The following GPNMB variants were observed in gnomAD, a reference collection of about 807,000 sequenced individuals.
GPNMB encodes the protein glycoprotein nmb.
Under a neutral mutation model 57.3 loss-of-function variants are expected in GPNMB, and 71 were observed. That is an observed-to-expected ratio of 1.24 (90% CI 1.02 to 1.51). GPNMB has a LOEUF of 1.51. Ranked by LOEUF, GPNMB falls within the 40% of genes most tolerant of loss-of-function variation. The pLI is 0.00. For synonymous variants in GPNMB, 253 were observed against 263.2 expected (o/e 0.96, Z 0.38); for missense variants, 677 against 691.9 (o/e 0.98, Z 0.24).
intron 6 of GPNMB, among the ~76,000 whole-genome samples, chr7:23,261,190 C>G (rs1209204396): frequency 6.6e-6 from 1 of 152,138 alleles, no homozygotes; most frequent in Non-Finnish European, 1.5e-5. Flanking sequence ...CTTTCCCTAC[C>G]CTGCCCACAC....
Position 23,269,962 on chromosome 7 carries a change from C to G in GPNMB, c.1221-5C>G. On this transcript the variant is annotated splice_region_variant and splice_polypyrimidine_tract_variant and intron_variant, in intron 8 of 10. Coordinates refer to ENST00000258733, the MANE Select transcript of GPNMB (RefSeq NM_002510.3). ...GTGCGCCCTCGCCCACCTCCCCTGT[C>G]GCAGCATTCCCACGGAGGTCTGTAC... 6.2e-7 allele frequency: 1 copy of G among 1,612,130 alleles called. No homozygotes were observed. Among genetic ancestry groups the G allele is most frequent in the Non-Finnish European group, 8.5e-7 (1 of 1,178,344 alleles).
chr7:23,253,539 C>A, intron 2 of GPNMB, 80 bp downstream of exon 2: 3 of 1,176,182 alleles, frequency 2.6e-6, no homozygotes, highest in African/African-American at 1.5e-5. Flanking sequence ...TTTTAGATCA[C>A]ACGGCTCACG....
chr7:23,255,251 TCGTGGTCCGCCC>T (rs2128481657), intron 3 of GPNMB, among the ~76,000 whole-genome samples: 1 of 152,246 alleles, frequency 6.6e-6, no homozygotes, highest in South Asian at 2.1e-4. Context: ...ACATTTGACC[TCGTGGTCCGCCC>T]GCCTCGGTCT....
chr7:23,253,248 T>C, intron 1 of GPNMB, 59 bp from the exon 2 acceptor site: 1 of 1,460,068 alleles, frequency 6.8e-7, no homozygotes, highest in Non-Finnish European at 9.4e-7. Flanking sequence ...AAAGTTTCTT[T>C]AACCACTGTG....
intron 6 of GPNMB, 143 bp downstream of exon 6, chr7:23,260,916 G>T: frequency 1.7e-6 from 1 of 595,852 alleles, no homozygotes; most frequent in Non-Finnish European, 2.7e-6. Context: ...ATTTTTTAAA[G>T]CAAAGTTATC....
intron 9 of GPNMB, 62 bp from the exon 10 acceptor site, chr7:23,273,459 T>G: frequency 9.6e-7 from 1 of 1,038,778 alleles, no homozygotes; most frequent in East Asian, 2.4e-5. Flanking sequence ...TTTAATGGCA[T>G]TATAAGCGGC....
At chr7:23,248,686 G>C (rs1002778120) in intron 1 of GPNMB, among the ~76,000 whole-genome samples, 3 of 152,072 alleles carry the variant, frequency 2.0e-5, no homozygotes, top group Admixed American at 6.5e-5. Context: ...GCAGCACTGG[G>C]TGCGACCTCA....
At chr7:23,262,458 T>C (rs1174927947) in intron 6 of GPNMB, among the ~76,000 whole-genome samples, 3 of 152,130 alleles carry the variant, frequency 2.0e-5, no homozygotes, top group African/African-American at 7.2e-5. Context: ...AAGAGGGCTA[T>C]TCATATTGTT....
intron 9 of GPNMB, chr7:23,273,071 T>C (rs1204128509): frequency 6.5e-6 from 1 of 153,120 alleles, no homozygotes; most frequent in Non-Finnish European, 1.5e-5. Flanking sequence ...AAAGTGCTGG[T>C]ATTACAGGCA....
At chr7:23,263,358 T>A (rs188840083) in intron 6 of GPNMB, among the ~76,000 whole-genome samples, 19 of 152,202 alleles carry the variant, frequency 1.2e-4, no homozygotes, top group African/African-American at 4.3e-4. Context: ...ACATCTGTAA[T>A]CCCAGCACTT....
intron 1 of GPNMB, among the ~76,000 whole-genome samples, chr7:23,252,465 C>A (rs558730035): frequency 9.3e-4 from 141 of 152,240 alleles, no homozygotes; most frequent in African/African-American, 3.3e-3. Context: ...AAACACTAAG[C>A]ATTCATATCA....
At chr7:23,261,869 G>A (rs1782933560) in intron 6 of GPNMB, among the ~76,000 whole-genome samples, 1 of 152,102 alleles carries the variant, frequency 6.6e-6, no homozygotes, top group African/African-American at 2.4e-5. Context: ...AATAGTCTGG[G>A]GACATTCAAG....
chr7:23,248,718 C>G (rs951032016), intron 1 of GPNMB, among the ~76,000 whole-genome samples: 5 of 151,906 alleles, frequency 3.3e-5, no homozygotes, highest in Non-Finnish European at 4.4e-5. Context: ...ACATTGATTG[C>G]CCCCAAAACC....
chr7:23,260,872 A>G, intron 6 of GPNMB, 99 bp downstream of exon 6: 1 of 969,782 alleles, frequency 1.0e-6, no homozygotes, highest in Non-Finnish European at 1.5e-6. Flanking sequence ...GGATATTGTA[A>G]GGACTCTGCG....
intron 6 of GPNMB, among the ~76,000 whole-genome samples, chr7:23,264,159 T>C (rs1783001200): frequency 6.6e-6 from 1 of 151,392 alleles, no homozygotes; most frequent in South Asian, 2.1e-4. Flanking sequence ...TCTCTATATA[T>C]AAAATAACAT....
In GPNMB at chr7:23,267,185, G is replaced by A. The variant is rs1026957663; in HGVS notation, c.1117+570G>A. Among the ~76,000 whole-genome samples the A allele has an allele frequency of 7.6e-4, 115 of 152,236 alleles. 1 individual carries two copies. The highest frequency in any genetic ancestry group is 2.7e-3 in the African/African-American group (114 of 41,464). On this transcript the variant is annotated intron_variant, in intron 7 of 10. Coordinates refer to ENST00000258733, the MANE Select transcript of GPNMB (RefSeq NM_002510.3). ...ACTTGAGAAGCTGGCCAAGGCCTGA[G>A]CCTGGGGCTGCGTCTACCCAGGATT...
At chr7:23,271,190 G>A (rs1351638371) in intron 9 of GPNMB, among the ~76,000 whole-genome samples, 1 of 152,218 alleles carries the variant, frequency 6.6e-6, no homozygotes, top group African/African-American at 2.4e-5. Context: ...ACTCCTATGA[G>A]AATGTAATGT....
At position 23,273,502 on chromosome 7, in the gene GPNMB, C is replaced by T. The variant is rs764691173; in HGVS notation, c.1430-19C>T. The stretch of plus-strand genomic sequence containing the variant: ...CTAGGTGGAAGACATAACTAACATG[C>T]TCTTGCTTCTGTTTTAAGACCCAGC... On this transcript the variant is annotated intron_variant, in intron 9 of 10. Transcript: ENST00000258733. 6 of 1,534,394 alleles carry T rather than the reference C, an allele frequency of 3.9e-6. No homozygotes were observed. The highest frequency in any genetic ancestry group is 1.7e-4 in the Middle Eastern group (1 of 5,892).
rs373945738 is a variant in GPNMB at position 23,260,445 on chromosome 7, G to A, written c.701-11G>A. ...TGCATTCTTTATTTCTTTGGGGGAT[G>A]TATCTTTTAGATCAGATTCCTGTGT... On this transcript the variant is annotated splice_polypyrimidine_tract_variant and intron_variant, in intron 5 of 10. Transcript: ENST00000258733. 1.6e-5 allele frequency: 26 copies of A among 1,590,212 alleles called. No individual in the cohort carries two copies. In the African/African-American group the frequency reaches 3.2e-4, roughly 20 times the overall value.
Sources: allele counts gnomAD v4.1 joint callset (sites outside exome capture counted in the v4.1 genomes callset), GRCh38; gene constraint gnomAD v4.1.1; transcripts MANE v1.5; gene names NCBI Gene and HGNC (gene_info 2026-07-23, HGNC 2026-07-21).